Variants in FGFRL1 observed in about 807,000 individuals in gnomAD.
FGFRL1 encodes fibroblast growth factor receptor-like 1.
A neutral mutation model predicts 36.8 loss-of-function variants in FGFRL1; 24 were observed. The observed-to-expected ratio is 0.65, with a 90% confidence interval of 0.47 to 0.92. FGFRL1 has a LOEUF of 0.92. FGFRL1 is among the 40% of genes least tolerant of loss of function. FGFRL1 has a pLI of 0.00. For missense variants in FGFRL1, 785 were observed against 753.4 expected, an observed-to-expected ratio of 1.04 and a Z score of -0.49; for synonymous variants, 422 against 344.1, an observed-to-expected ratio of 1.23 and a Z score of -2.50.
intron 1 of FGFRL1, 141 bp from the exon 2 acceptor site, chr4:1,012,329 C>T (rs1354894499): frequency 5.8e-6 from 5 of 866,734 alleles, no homozygotes; most frequent in African/African-American, 1.8e-5. Flanking sequence ...CTTCTCCCCG[C>T]TGCGGCTTCC....
chr4:1,019,616 G>A (rs116835475), intron 2 of FGFRL1, among the ~76,000 whole-genome samples: 6,815 of 152,262 alleles, frequency 0.045, 466 homozygotes, highest in African/African-American at 0.14. Flanking sequence ...GGACAAATTT[G>A]CCAGAGCTGC....
At chr4:1,014,765 G>A (rs1402244033) in intron 2 of FGFRL1, among the ~76,000 whole-genome samples, 1 of 152,244 alleles carries the variant, frequency 6.6e-6, no homozygotes, top group African/African-American at 2.4e-5. Flanking sequence ...AGGTGGACGT[G>A]TGGGAGCTGG....
At position 1,025,138 on chromosome 4, in the gene FGFRL1, G is replaced by A; in HGVS notation, c.1306G>A (p.Ala436Thr). ...RSGDKDLPSL[A>T]ALSAGPGVGL... ...CGGAGACAAGGACCTTCCCTCGTTGGCCGCCCTCAGCGCTGGCCCTGGTGT... is the reference window on the plus strand; with the variant it reads ...CGGAGACAAGGACCTTCCCTCGTTGACCGCCCTCAGCGCTGGCCCTGGTGT... The change falls in exon 7 of 7, where the codon GCC becomes ACC. Residue 436 changes from alanine (A) to threonine (T), a missense_variant. Physicochemically the swap from Ala to Thr is moderately conservative, Grantham distance 58 (BLOSUM62 0). Transcript: ENST00000510644. 6.2e-7 allele frequency: 1 copy of A among 1,610,846 alleles called. No individual in the cohort carries two copies. The highest frequency in any genetic ancestry group is 1.3e-5 in the African/African-American group (1 of 75,010).
chr4:1,026,744 C>T lies in FGFRL1; in HGVS notation c.*1397C>T, dbSNP rs1258780726. Reference sequence around the variant, plus strand: ...GCCCGGGACCCGCCTGGTCTTTCAGCCATGCTGATGACCACACCCCGTCCA... The same window carrying T: ...GCCCGGGACCCGCCTGGTCTTTCAGTCATGCTGATGACCACACCCCGTCCA... On this transcript the variant is annotated 3_prime_UTR_variant, in exon 7 of 7. Coordinates refer to ENST00000510644, the MANE Select transcript of FGFRL1 (RefSeq NM_001004356.3). 1 of 422,336 alleles carries T rather than the reference C, an allele frequency of 2.4e-6. No individual in the cohort carries two copies. The highest frequency in any genetic ancestry group is 2.7e-5 in the Admixed American group (1 of 36,926). The allele number at this position is 422,336 out of a possible 1,614,324, so 26.2% of individuals were successfully genotyped here.
chr4:1,019,970 G>C lies in FGFRL1; in HGVS notation c.80-2233G>C, dbSNP rs192334956. Among the ~76,000 whole-genome samples, 405 of 152,362 alleles carry C rather than the reference G, an allele frequency of 2.7e-3. 2 individuals are homozygous for C. Among genetic ancestry groups the C allele is most frequent in the African/African-American group, 9.3e-3 (387 of 41,586 alleles). ...TCCACTCCCAGCCCCAGCGGCCAAT[G>C]ATGCCTGTGGGCTCAGAACCTAGAG... On this transcript the variant is annotated intron_variant, in intron 2 of 6. Coordinates refer to ENST00000510644, the MANE Select transcript of FGFRL1 (RefSeq NM_001004356.3).
intron 2 of FGFRL1, among the ~76,000 whole-genome samples, chr4:1,020,591 C>T (rs988428613): frequency 7.0e-6 from 1 of 142,842 alleles, no homozygotes; most frequent in Non-Finnish European, 1.5e-5. Flanking sequence ...CCTTCCAGCC[C>T]AGAGGCACCC....
chr4:1,013,163 C>G (rs1188980880), intron 2 of FGFRL1, among the ~76,000 whole-genome samples: 1 of 152,244 alleles, frequency 6.6e-6, no homozygotes, highest in African/African-American at 2.4e-5. Context: ...TGCCTCTGGG[C>G]ACACGCTGTG....
chr4:1,022,880 C>G (rs1331915460), intron 3 of FGFRL1, among the ~76,000 whole-genome samples: 1 of 152,222 alleles, frequency 6.6e-6, no homozygotes, highest in Non-Finnish European at 1.5e-5. Context: ...CGCCTGGGGC[C>G]CGGGCGCTGG....
chr4:1,018,954 C>G (rs938020749), intron 2 of FGFRL1, among the ~76,000 whole-genome samples: 2 of 152,158 alleles, frequency 1.3e-5, no homozygotes, highest in African/African-American at 2.4e-5. Context: ...AAGCCTGGCT[C>G]CTCTGGCCCA....
In FGFRL1 at chr4:1,025,572, GGCACACGTAC is replaced by G. The variant is rs1267124344; in HGVS notation, c.*232_*241del. The G allele has an allele frequency of 4.8e-6, 3 of 622,228 alleles. No homozygotes were observed. The highest frequency in any genetic ancestry group is 8.3e-6 in the Non-Finnish European group (3 of 362,954). The allele number at this position is 622,228 out of a possible 1,614,324, so 38.5% of individuals were successfully genotyped here. On this transcript the variant is annotated 3_prime_UTR_variant, in exon 7 of 7. Transcript: ENST00000510644. The stretch of plus-strand genomic sequence containing the variant: ...CATGCGCGCACACGTGCTCCCTGAA[GGCACACGTAC>G]GCACACACGCACATGCACAGATATG...
chr4:1,024,777 C>CG, intron 6 of FGFRL1, 113 bp downstream of exon 6: 1 of 1,403,100 alleles, frequency 7.1e-7, no homozygotes. Flanking sequence ...CCGTGCTGGC[C>CG]AGGTCATCTG....
Position 1,025,749 on chromosome 4 carries a change from AT to A in FGFRL1, c.*403del, listed in dbSNP as rs1475390498. The A allele has an allele frequency of 3.5e-6, 1 of 287,228 alleles. No individual in the cohort carries two copies. Among genetic ancestry groups the A allele is most frequent in the African/African-American group, 2.3e-5 (1 of 44,386 alleles). The allele number at this position is 287,228 out of a possible 1,614,324, so 17.8% of individuals were successfully genotyped here. On this transcript the variant is annotated 3_prime_UTR_variant, in exon 7 of 7. Coordinates refer to ENST00000510644, the MANE Select transcript of FGFRL1 (RefSeq NM_001004356.3). The stretch of plus-strand genomic sequence containing the variant: ...CCTGGACACACACACACACACGGAT[AT>A]GCTGTCTGGACGCACACACGTGCAG...
chr4:1,017,890 C>T (rs1487972636), intron 2 of FGFRL1, among the ~76,000 whole-genome samples: 1 of 151,816 alleles, frequency 6.6e-6, no homozygotes, highest in Non-Finnish European at 1.5e-5. Context: ...GCCCCCACAC[C>T]CACACCGTTC....
rs778748309 is a variant in FGFRL1 at position 1,024,537 on chromosome 4, C to G, written c.945C>G (p.Pro315=). 1.2e-6 allele frequency: 2 copies of G among 1,612,354 alleles called. No individual in the cohort carries two copies. Among genetic ancestry groups the G allele is most frequent in the Non-Finnish European group, 1.7e-6 (2 of 1,179,874 alleles). ...VLPTGDVWSR[P]DGSYLNKLLI... is the part of the protein sequence containing the mutation. Reference sequence around the variant, plus strand: ...CCACGGGTGACGTGTGGTCGCGGCCCGACGGCTCCTACCTCAATAAGCTGC... The same window carrying G: ...CCACGGGTGACGTGTGGTCGCGGCCGGACGGCTCCTACCTCAATAAGCTGC... Residue 315 remains proline (P), a synonymous_variant, in exon 6 of 7, where the codon CCC becomes CCG. Coordinates refer to ENST00000510644, the MANE Select transcript of FGFRL1 (RefSeq NM_001004356.3).
In FGFRL1 at chr4:1,024,049, C is replaced by T. The variant is rs747464840; in HGVS notation, c.666C>T (p.Arg222=). 1.4e-5 allele frequency: 22 copies of T among 1,606,234 alleles called. No homozygotes were observed. The highest frequency in any genetic ancestry group is 5.5e-5 in the South Asian group (5 of 90,580). Residue 222 remains arginine, a synonymous_variant, in exon 5 of 7, where the codon CGC becomes CGT. Coordinates refer to ENST00000510644, the MANE Select transcript of FGFRL1 (RefSeq NM_001004356.3). The part of the protein sequence containing the change: ...RPEDSGKYTC[R]VSNRAGAINA... ...AGGACAGCGGCAAATACACCTGCCG[C>T]GTGTCGAACCGCGCGGGCGCCATCA... is the stretch of plus-strand genomic sequence containing the variant.
At position 1,025,543 on chromosome 4, in the gene FGFRL1, C is replaced by A; in HGVS notation, c.*196C>A. 1 of 683,156 alleles carries A rather than the reference C, an allele frequency of 1.5e-6. No homozygotes were observed. The highest frequency in any genetic ancestry group is 2.8e-5 in the East Asian group (1 of 36,238). 42.3% of individuals were successfully genotyped at this position (683,156 alleles called of 1,614,324 possible). A position where few individuals can be genotyped will look rare whatever the true frequency, so the allele number is the denominator to read the frequency against. On this transcript the variant is annotated 3_prime_UTR_variant, in exon 7 of 7. Transcript: ENST00000510644. ...CACACTGCCTGGATGCATGTATGCA[C>A]ACACATGCGCGCACACGTGCTCCCT...
chr4:1,016,458 C>T (rs1205575877), intron 2 of FGFRL1, among the ~76,000 whole-genome samples: 4 of 151,976 alleles, frequency 2.6e-5, no homozygotes, highest in African/African-American at 4.8e-5. Context: ...CTCTCCAGGG[C>T]GTGGGACTGC....
At position 1,017,886 on chromosome 4, in the gene FGFRL1, A is replaced by C. The variant is rs185690459; in HGVS notation, c.80-4317A>C. On this transcript the variant is annotated intron_variant, in intron 2 of 6. Coordinates refer to ENST00000510644, the MANE Select transcript of FGFRL1 (RefSeq NM_001004356.3). ...TCTGTACCTGCCCTGGCCGGCCCCCACACCCACACCGTTCTCCCTACGAAT... is the reference window on the plus strand; with the variant it reads ...TCTGTACCTGCCCTGGCCGGCCCCCCCACCCACACCGTTCTCCCTACGAAT... 6.4e-3 allele frequency among the ~76,000 whole-genome samples: 979 copies of C among 151,834 alleles called. 9 individuals are homozygous for C. The highest frequency in any genetic ancestry group is 0.017 in the South Asian group (80 of 4,806).
chr4:1,012,554 C>T lies in FGFRL1; in HGVS notation c.69C>T (p.Ala23=), dbSNP rs746487161. 7 of 1,457,382 alleles carry T rather than the reference C, an allele frequency of 4.8e-6. No homozygotes were observed. The highest frequency in any genetic ancestry group is 2.2e-5 in the Admixed American group (1 of 46,256). The allele number at this position is 1,457,382 out of a possible 1,614,324, so 90.3% of individuals were successfully genotyped here. A position where few individuals can be genotyped will look rare whatever the true frequency, so the allele number is the denominator to read the frequency against. The change falls in exon 2 of 7, where the codon GCC becomes GCT. Residue 23 remains alanine, a synonymous_variant. Coordinates refer to ENST00000510644, the MANE Select transcript of FGFRL1 (RefSeq NM_001004356.3). The part of the protein sequence containing the change: ...PLLLGAFPPA[A]AARGPPKMAD... ...TGCTGGGGGCCTTCCCGCCGGCCGCCGCCGCCCGAGGTGAGTTCTGGCGCC... is the reference window on the plus strand; with the variant it reads ...TGCTGGGGGCCTTCCCGCCGGCCGCTGCCGCCCGAGGTGAGTTCTGGCGCC...
Sources: allele counts gnomAD v4.1 joint callset (sites outside exome capture counted in the v4.1 genomes callset), GRCh38; gene constraint gnomAD v4.1.1; transcripts MANE v1.5; gene names NCBI Gene and HGNC (gene_info 2026-07-23, HGNC 2026-07-21).